Variants in CRHBP observed in about 807,000 individuals in gnomAD.
CRHBP encodes the protein corticotropin-releasing hormone-binding protein.
CRHBP carries 19 observed loss-of-function variants against 34.9 expected under a neutral mutation model. The observed-to-expected ratio is 0.55, with a 90% confidence interval of 0.38 to 0.80. The LOEUF is 0.80. Among genes scored for constraint, CRHBP ranks in the 30% least tolerant of loss-of-function variants. CRHBP has a pLI of 0.00. For missense variants in CRHBP, 328 were observed against 409.2 expected, an observed-to-expected ratio of 0.80 and a Z score of 1.71; for synonymous variants, 154 against 153.4, an observed-to-expected ratio of 1.00 and a Z score of -0.03.
chr5:76,977,877 G>C (rs1049046364), intron 3 of CRHBP, among the ~76,000 whole-genome samples: 5 of 152,186 alleles, frequency 3.3e-5, no homozygotes, highest in African/African-American at 1.2e-4. Context: ...CCAAGGAAAA[G>C]TTACTGAAGG....
intron 3 of CRHBP, among the ~76,000 whole-genome samples, chr5:76,978,453 GAAC>G (rs1269123357): frequency 1.3e-5 from 2 of 152,160 alleles, no homozygotes; most frequent in African/African-American, 4.8e-5. Context: ...GGCTCTAAAG[GAAC>G]AACAAAGCCT....
At chr5:76,975,926 A>ATG (rs1229629826) in intron 2 of CRHBP, among the ~76,000 whole-genome samples, 6 of 101,834 alleles carry the variant, frequency 5.9e-5, no homozygotes, top group African/African-American at 1.9e-4. Flanking sequence ...GTGTATATAT[A>ATG]TGTGTGTGTG....
At chr5:76,953,963 C>A in intron 2 of CRHBP, 66 bp from the exon 3 acceptor site, 2 of 1,529,946 alleles carry the variant, frequency 1.3e-6, no homozygotes, top group East Asian at 2.3e-5. Context: ...CGGAGAGCGG[C>A]CGCCCGAGGA....
At chr5:76,975,827 T>TATATATATATATA (rs1746020103) in intron 2 of CRHBP, among the ~76,000 whole-genome samples, 1 of 62,698 alleles carries the variant, frequency 1.6e-5, no homozygotes, top group African/African-American at 1.0e-4. Flanking sequence ...AAAAAAAAAA[T>TATATATATATATA]ATATATATAT....
intron 1 of CRHBP, 120 bp downstream of exon 1, chr5:76,953,335 C>T: frequency 6.2e-6 from 6 of 969,278 alleles, no homozygotes; most frequent in East Asian, 2.6e-5. Context: ...CTGCTGGATG[C>T]TGTCTTGCCC....
intron 5 of CRHBP, 126 bp downstream of exon 5, chr5:76,959,015 A>C (rs1259213072): frequency 1.1e-6 from 1 of 933,582 alleles, no homozygotes; most frequent in Non-Finnish European, 1.5e-6. Context: ...TGAACTCTTA[A>C]ATCTCAAATG....
chr5:76,974,747 TATC>T (rs1284505212), intron 2 of CRHBP, among the ~76,000 whole-genome samples: 2 of 152,352 alleles, frequency 1.3e-5, no homozygotes, highest in East Asian at 3.9e-4. Flanking sequence ...TTGTAATGAT[TATC>T]ATCCATTTTT....
chr5:76,965,291 A>G (rs1745845227), intron 6 of CRHBP, among the ~76,000 whole-genome samples: 1 of 152,024 alleles, frequency 6.6e-6, no homozygotes, highest in Non-Finnish European at 1.5e-5. Context: ...CCTGATATGC[A>G]CTCCACCCTC....
intron 6 of CRHBP, among the ~76,000 whole-genome samples, chr5:76,966,852 A>T (rs1174016122): frequency 6.6e-6 from 1 of 152,238 alleles, no homozygotes; most frequent in Non-Finnish European, 1.5e-5. Flanking sequence ...TTAGTTCAAA[A>T]TAATAAATAA....
At chr5:76,963,226 G>T in intron 5 of CRHBP, 117 bp from the exon 6 acceptor site, 2 of 692,222 alleles carry the variant, frequency 2.9e-6, no homozygotes, top group Non-Finnish European at 2.5e-6. Context: ...TAAATTAAAT[G>T]GTATTGCCAG....
intron 5 of CRHBP, among the ~76,000 whole-genome samples, chr5:76,962,622 G>GA (rs774799876): frequency 0.023 from 2,738 of 120,470 alleles, 71 homozygotes; most frequent in African/African-American, 0.073. Context: ...CTACAAAATT[G>GA]AAAAAAAAAA....
chr5:76,965,502 G>A (rs942789910), intron 6 of CRHBP, among the ~76,000 whole-genome samples: 2 of 152,196 alleles, frequency 1.3e-5, no homozygotes, highest in African/African-American at 2.4e-5. Flanking sequence ...CCTTTTGGGT[G>A]CATGATCTGA....
At position 76,955,797 on chromosome 5, in the gene CRHBP, T is replaced by A. The variant is rs747449019; in HGVS notation, c.478T>A (p.Phe160Ile). The stretch of plus-strand genomic sequence containing the variant: ...ATCTTCCCAGAATGTGGCCATGATC[T>A]TCTTCCGAGTCCATGAACCAGGAAA... ...IRSSQNVAMI[F>I]FRVHEPGNGF... Residue 160 changes from phenylalanine (F) to isoleucine (I), a missense_variant, in exon 4 of 7, where the codon TTC becomes ATC. Transcript: ENST00000274368. The A allele has an allele frequency of 1.2e-6, 2 of 1,614,206 alleles. No individual in the cohort carries two copies. Among genetic ancestry groups the A allele is most frequent in the Non-Finnish European group, 1.7e-6 (2 of 1,180,042 alleles).
chr5:76,958,796 C>T lies in CRHBP; in HGVS notation c.600C>T (p.His200=), dbSNP rs1306625816. The change falls in exon 5 of 7, where the codon CAC becomes CAT. Residue 200 remains histidine, a synonymous_variant. Coordinates refer to ENST00000274368, the MANE Select transcript of CRHBP (RefSeq NM_001882.4). Reference sequence around the variant, plus strand: ...GAAAGTTTACCCTGGTAGTTCCACACCAGCATCGAAACTGCAGCTTCTCCA... The same window carrying T: ...GAAAGTTTACCCTGGTAGTTCCACATCAGCATCGAAACTGCAGCTTCTCCA... ...PNGKFTLVVP[H]QHRNCSFSII... 1 of 1,613,842 alleles carries T rather than the reference C, an allele frequency of 6.2e-7. No homozygotes were observed. The highest frequency in any genetic ancestry group is 8.5e-7 in the Non-Finnish European group (1 of 1,179,914).
intron 3 of CRHBP, 63 bp from the exon 4 acceptor site, chr5:76,955,590 A>T: frequency 6.7e-7 from 1 of 1,490,138 alleles, no homozygotes; most frequent in Non-Finnish European, 9.2e-7. Flanking sequence ...CCCCTTTTCA[A>T]CTCATTTCAG....
chr5:76,953,061 T>C lies in CRHBP; in HGVS notation c.-74T>C. ...GACCCTACCAGCTTCTAGCTCTCAG[T>C]CTGCGCGAGGGTGTAGGAAGGAAAG... On this transcript the variant is annotated 5_prime_UTR_variant, in exon 1 of 7. Transcript: ENST00000274368. 1 of 1,478,832 alleles carries C rather than the reference T, an allele frequency of 6.8e-7. No individual in the cohort carries two copies. 91.6% of individuals were successfully genotyped at this position (1,478,832 alleles called of 1,614,324 possible).
chr5:76,954,112 A>G lies in CRHBP; in HGVS notation c.259A>G (p.Ser87Gly). The change falls in exon 3 of 7, where the codon AGC (serine) becomes GGC (glycine). Residue 87 changes from serine (S) to glycine (G), a missense_variant. Transcript: ENST00000274368. ...PQLHCAAFFI[S>G]EPEEFITIHY... ...GCTGCACTGCGCAGCCTTCTTCATC[A>G]GCGAGCCCGAGGAGTTCATTACCAT... 6.2e-7 allele frequency: 1 copy of G among 1,613,998 alleles called. No homozygotes were observed. The highest frequency in any genetic ancestry group is 8.5e-7 in the Non-Finnish European group (1 of 1,179,944).
intron 6 of CRHBP, 59 bp from the exon 7 acceptor site, chr5:76,968,669 A>G (rs574609601): frequency 6.5e-7 from 1 of 1,527,884 alleles, no homozygotes; most frequent in African/African-American, 1.4e-5. Flanking sequence ...CGTCATTTAA[A>G]TGATGACTGT....
At chr5:76,969,826 A>C (rs1216119026), downstream of CRHBP, among the ~76,000 whole-genome samples, 1 of 151,600 alleles carries the variant, frequency 6.6e-6, no homozygotes, top group Non-Finnish European at 1.5e-5. Context: ...TACTGAAGGC[A>C]GTTTACTGTT....
Sources: allele counts gnomAD v4.1 joint callset (sites outside exome capture counted in the v4.1 genomes callset), GRCh38; gene constraint gnomAD v4.1.1; transcripts MANE v1.5; gene names NCBI Gene and HGNC (gene_info 2026-07-23, HGNC 2026-07-21).